Variants in CHD6 observed in about 807,000 individuals in gnomAD.
The protein encoded by CHD6 is chromodomain helicase DNA binding protein 6.
CHD6 carries 50 observed loss-of-function variants against 276.9 expected under a neutral mutation model. The ratio of observed to expected loss-of-function variants is 0.18; its 90% CI spans 0.14 to 0.23. The LOEUF is 0.23. Ranked by LOEUF, CHD6 falls within the 10% of genes least tolerant of loss-of-function variation. The probability of loss-of-function intolerance (pLI) is 1.00; values close to 1 mark genes in which losing one functional copy is unlikely to be tolerated. For synonymous variants in CHD6, 1,173 were observed against 1,229.3 expected, an observed-to-expected ratio of 0.95 and a Z score of 0.96; for missense variants, 2,564 against 3,365.8, an observed-to-expected ratio of 0.76 and a Z score of 5.89.
chr20:41,536,619 T>C (rs1601110109), intron 2 of CHD6, among the ~76,000 whole-genome samples: 1 of 152,230 alleles, frequency 6.6e-6, no homozygotes. Flanking sequence ...TCATCAGTTA[T>C]AACCATTTCT....
Position 41,609,294 on chromosome 20 carries a change from CA to C in CHD6, c.-24+9045del, listed in dbSNP as rs923818242. Among the ~76,000 whole-genome samples the C allele has an allele frequency of 4.7e-3, 712 of 152,200 alleles. 4 individuals carry two copies. Among genetic ancestry groups the C allele is most frequent in the African/African-American group, 0.016 (670 of 41,526 alleles). ...AGTTTCTATAAAACAAAAACAAAAA[CA>C]AAATACATGCCCAGAGATCTAGAAC... On this transcript the variant is annotated intron_variant, in intron 1 of 36. Transcript: ENST00000373233.
intron 1 of CHD6, among the ~76,000 whole-genome samples, chr20:41,592,964 T>C (rs1319694512): frequency 6.6e-6 from 1 of 152,110 alleles, no homozygotes; most frequent in Non-Finnish European, 1.5e-5. Flanking sequence ...TAAGAAATAA[T>C]TTAAGAAGTG....
intron 5 of CHD6, among the ~76,000 whole-genome samples, chr20:41,512,592 G>A (rs892995644): frequency 2.0e-5 from 3 of 151,926 alleles, no homozygotes; most frequent in Non-Finnish European, 4.4e-5. Context: ...AGAGTAATGA[G>A]ACAGGGAAAA....
intron 16 of CHD6, among the ~76,000 whole-genome samples, chr20:41,482,244 T>C (rs1600972964): frequency 6.6e-6 from 1 of 152,284 alleles, no homozygotes; most frequent in East Asian, 1.9e-4. Flanking sequence ...GCTCCTAATC[T>C]ATAGTGAATT....
At chr20:41,499,760 A>G (rs898326655) in intron 5 of CHD6, among the ~76,000 whole-genome samples, 1 of 152,234 alleles carries the variant, frequency 6.6e-6, no homozygotes, top group Non-Finnish European at 1.5e-5. Context: ...AGGCAAGTCA[A>G]TTAATACCTC....
intron 3 of CHD6, among the ~76,000 whole-genome samples, chr20:41,518,930 C>T (rs571044763): frequency 5.2e-4 from 79 of 152,230 alleles, no homozygotes; most frequent in Non-Finnish European, 9.0e-4. Context: ...ACTGCTATAC[C>T]TATAGATGAT....
In CHD6 at chr20:41,452,082, A is replaced by C; in HGVS notation, c.3324-57T>G. On this transcript the variant is annotated intron_variant, in intron 21 of 36. Transcript: ENST00000373233. The surrounding 1 kb of genome is among the most constrained non-coding windows in gnomAD (Gnocchi z 4.2). ...GGAGAATGGACCAGGCCATGCAGGCAGCCTCCCCACAGGAGGAGAAACAAG... is the reference window on the plus strand; with the variant it reads ...GGAGAATGGACCAGGCCATGCAGGCCGCCTCCCCACAGGAGGAGAAACAAG... 7.4e-7 allele frequency: 1 copy of C among 1,360,112 alleles called. No homozygotes were observed. Among genetic ancestry groups the C allele is most frequent in the Non-Finnish European group, 1.0e-6 (1 of 956,298 alleles). 84.3% of individuals were successfully genotyped at this position (1,360,112 alleles called of 1,614,324 possible).
intron 17 of CHD6, among the ~76,000 whole-genome samples, chr20:41,471,699 A>AT (rs147387011): frequency 1.0e-4 from 15 of 150,722 alleles, no homozygotes; most frequent in African/African-American, 2.7e-4. Context: ...CGCCTGGCTA[A>AT]TTTTTTTTTG....
chr20:41,490,099 G>T, intron 11 of CHD6, 78 bp from the exon 12 acceptor site: 1 of 1,164,868 alleles, frequency 8.6e-7, no homozygotes, highest in Non-Finnish European at 1.3e-6. Flanking sequence ...TTGAAAAGAT[G>T]CTTCACATAC....
chr20:41,482,269 T>C (rs1415986771), intron 16 of CHD6, among the ~76,000 whole-genome samples: 1 of 152,174 alleles, frequency 6.6e-6, no homozygotes, highest in Non-Finnish European at 1.5e-5. Context: ...GCTACAAAAC[T>C]GCTTTGCAAG....
intron 1 of CHD6, among the ~76,000 whole-genome samples, chr20:41,608,691 G>C (rs546998280): frequency 3.3e-4 from 51 of 152,304 alleles, no homozygotes; most frequent in African/African-American, 1.2e-3. Flanking sequence ...AAAATGGATA[G>C]ATGTCTTCAG....
At chr20:41,609,171 T>A (rs2425463) in intron 1 of CHD6, among the ~76,000 whole-genome samples, 3 of 152,090 alleles carry the variant, frequency 2.0e-5, no homozygotes, top group Non-Finnish European at 4.4e-5. Context: ...CCCAGAGAGC[T>A]GGGTGCAGTG....
rs764192658 is a variant in CHD6 at position 41,512,798 on chromosome 20, C to A, written c.852+48G>T. On this transcript the variant is annotated intron_variant, in intron 5 of 36. Coordinates refer to ENST00000373233, the MANE Select transcript of CHD6 (RefSeq NM_032221.5). ...CAAGAAACACGTCTGTCATCTAGGTCAAAATGACTGTCCAGCCAAGGTCAG... is the reference window on the plus strand; with the variant it reads ...CAAGAAACACGTCTGTCATCTAGGTAAAAATGACTGTCCAGCCAAGGTCAG... 1.9e-6 allele frequency: 3 copies of A among 1,608,128 alleles called. No individual in the cohort carries two copies. In the South Asian group the frequency reaches 3.3e-5, roughly 18 times the overall value.
chr20:41,477,008 G>A (rs984372130), intron 16 of CHD6, among the ~76,000 whole-genome samples: 7 of 152,084 alleles, frequency 4.6e-5, no homozygotes, highest in East Asian at 3.9e-4. Flanking sequence ...AGGCCAAGGC[G>A]GGAGGATGAC....
chr20:41,493,433 T>C, intron 10 of CHD6, 105 bp downstream of exon 10: 3 of 1,169,036 alleles, frequency 2.6e-6, no homozygotes, highest in Admixed American at 2.2e-5. Context: ...AAAGGTAAAA[T>C]ACCACAGAAA....
At chr20:41,468,212 C>T (rs6093485) in intron 17 of CHD6, among the ~76,000 whole-genome samples, 41,130 of 151,096 alleles carry the variant, frequency 0.27, 5,996 homozygotes, top group East Asian at 0.39. Context: ...CAGGTTCAAG[C>T]GATTCTCCTG....
intron 5 of CHD6, among the ~76,000 whole-genome samples, chr20:41,509,844 AT>A (rs2044072432): frequency 6.6e-6 from 1 of 152,188 alleles, no homozygotes; most frequent in Admixed American, 6.5e-5. Context: ...CCTGAATCCC[AT>A]GCTTGGGATT....
intron 16 of CHD6, among the ~76,000 whole-genome samples, chr20:41,474,219 TA>T (rs751055355): frequency 2.6e-5 from 4 of 152,206 alleles, no homozygotes; most frequent in South Asian, 4.2e-4. Flanking sequence ...TAAAGCTGAG[TA>T]TCATTGAGAA....
chr20:41,453,223 G>GC (rs374268945), intron 20 of CHD6, among the ~76,000 whole-genome samples: 2,434 of 150,092 alleles, frequency 0.016, 50 homozygotes, highest in African/African-American at 0.039. Flanking sequence ...GGCAGGCAAG[G>GC]CCCCCCCCCA....
Sources: gnomAD v4.1 joint callset for allele counts (sites outside exome capture counted in the v4.1 genomes callset) on GRCh38, gnomAD v4.1.1 for gene constraint, Gnocchi (gnomAD v3.1) non-coding constraint, MANE v1.5 for transcripts, NCBI Gene and HGNC (gene_info 2026-07-23, HGNC 2026-07-21) for gene names.